The following CATSPERB variants were observed in gnomAD, a reference collection of about 807,000 sequenced individuals.
CATSPERB encodes cation channel sperm-associated auxiliary subunit beta.
In CATSPERB, 93 loss-of-function variants were observed where a neutral mutation model predicts 128.3. That is an observed-to-expected ratio of 0.72 (90% CI 0.61 to 0.86). CATSPERB has a LOEUF of 0.86. Among genes scored for constraint, CATSPERB ranks in the 40% least tolerant of loss-of-function variants. The pLI, the probability that CATSPERB is intolerant of heterozygous loss-of-function variation, is 0.00. For missense variants in CATSPERB, 1,153 were observed against 1,329.5 expected (o/e 0.87, Z 2.06); for synonymous variants, 381 against 448.8 (o/e 0.85, Z 1.91).
chr14:91,623,569 C>T lies in CATSPERB; in HGVS notation c.1930+1251G>A, dbSNP rs968828994. On this transcript the variant is annotated intron_variant, in intron 18 of 26. Coordinates refer to ENST00000256343, the MANE Select transcript of CATSPERB (RefSeq NM_024764.4). The stretch of plus-strand genomic sequence containing the variant: ...AACTCCAGACTTGTATTTCTAAGTG[C>T]CCATCTTATTTCTCCACTTGGATGA... 3.3e-5 allele frequency among the ~76,000 whole-genome samples: 5 copies of T among 152,188 alleles called. No homozygotes were observed. The South Asian group carries it at 6.2e-4, about 19-fold the overall frequency.
In CATSPERB at chr14:91,729,839, A is replaced by G. The variant is rs114357436; in HGVS notation, c.1-360T>C. On this transcript the variant is annotated intron_variant, in intron 1 of 26. Coordinates refer to ENST00000256343, the MANE Select transcript of CATSPERB (RefSeq NM_024764.4). ...CTGTAACTTAATCTAATATTTTGACAACGTTGCTTTTGGGGAAGACAATTC... is the reference window on the plus strand; with the variant it reads ...CTGTAACTTAATCTAATATTTTGACGACGTTGCTTTTGGGGAAGACAATTC... 5.2e-3 allele frequency among the ~76,000 whole-genome samples: 790 copies of G among 152,268 alleles called. 7 individuals are homozygous for G. The highest frequency in any genetic ancestry group is 0.018 in the African/African-American group (738 of 41,536).
chr14:91,723,220 T>C (rs750069603), intron 3 of CATSPERB, 31 bp from the exon 4 acceptor site: 1 of 1,413,702 alleles, frequency 7.1e-7, no homozygotes, highest in Non-Finnish European at 9.3e-7. Context: ...AAAAAACAAC[T>C]AATAACCACT....
intron 19 of CATSPERB, among the ~76,000 whole-genome samples, chr14:91,618,309 G>C (rs573561848): frequency 6.6e-4 from 100 of 152,190 alleles, no homozygotes; most frequent in African/African-American, 2.3e-3. Context: ...CCTGTATCTT[G>C]TGCTAACCTC....
At chr14:91,690,024 G>C (rs1480937664) in intron 10 of CATSPERB, among the ~76,000 whole-genome samples, 3 of 152,066 alleles carry the variant, frequency 2.0e-5, no homozygotes, top group East Asian at 3.8e-4. Flanking sequence ...ACAGAGTCTA[G>C]CTCGGTCACC....
chr14:91,609,966 C>T (rs1893793971), intron 21 of CATSPERB, among the ~76,000 whole-genome samples: 1 of 152,156 alleles, frequency 6.6e-6, no homozygotes, highest in South Asian at 2.1e-4. Flanking sequence ...AGTGATCTGC[C>T]CGCCTTGACC....
chr14:91,625,137 AC>A, intron 17 of CATSPERB, 130 bp from the exon 18 acceptor site: 1 of 595,770 alleles, frequency 1.7e-6, no homozygotes, highest in South Asian at 2.6e-5. Flanking sequence ...CATTTGTTCA[AC>A]CCCATTAGTA....
chr14:91,634,259 A>G (rs1054643463), intron 17 of CATSPERB, among the ~76,000 whole-genome samples: 2 of 152,160 alleles, frequency 1.3e-5, no homozygotes, highest in Non-Finnish European at 2.9e-5. Context: ...TCTTAAGTGG[A>G]ATGGATCATC....
chr14:91,671,801 G>A (rs1895093913), intron 13 of CATSPERB, among the ~76,000 whole-genome samples: 1 of 151,968 alleles, frequency 6.6e-6, no homozygotes. Flanking sequence ...GGAGGCCGAG[G>A]CGGGCAGATC....
chr14:91,615,885 C>CTTTT lies in CATSPERB; in HGVS notation c.2400+1708_2400+1711dup, dbSNP rs57018442. Among the ~76,000 whole-genome samples, 23 of 142,100 alleles carry CTTTT rather than the reference C, an allele frequency of 1.6e-4. 4 individuals carry two copies. Among genetic ancestry groups the CTTTT allele is most frequent in the Admixed American group, 2.2e-4 (3 of 13,940 alleles). The allele number at this position is 142,100 out of a possible 152,430, so 93.2% of individuals were successfully genotyped here. ...TTTGAGGATCATACATACAGTTTTC[C>CTTTT]TTTTTTTTTTGAGATGGAATCTCTC... On this transcript the variant is annotated intron_variant, in intron 20 of 26. Coordinates refer to ENST00000256343, the MANE Select transcript of CATSPERB (RefSeq NM_024764.4).
At chr14:91,652,944 A>G (rs934772608) in intron 15 of CATSPERB, among the ~76,000 whole-genome samples, 1 of 152,236 alleles carries the variant, frequency 6.6e-6, no homozygotes, top group South Asian at 2.1e-4. Context: ...TAGAGAATAA[A>G]TAAACTGAGT....
At chr14:91,621,127 C>T (rs991583114) in intron 19 of CATSPERB, among the ~76,000 whole-genome samples, 4 of 152,162 alleles carry the variant, frequency 2.6e-5, no homozygotes, top group African/African-American at 7.2e-5. Context: ...TATGGCTGAG[C>T]GAGGTGGCTC....
chr14:91,598,774 C>G (rs527290170), intron 22 of CATSPERB, among the ~76,000 whole-genome samples: 2 of 143,038 alleles, frequency 1.4e-5, no homozygotes, highest in South Asian at 2.3e-4. Context: ...AGGGGAATGG[C>G]GTGAACCTGG....
intron 20 of CATSPERB, among the ~76,000 whole-genome samples, chr14:91,617,315 A>G (rs1019263538): frequency 6.6e-6 from 1 of 152,218 alleles, no homozygotes; most frequent in Non-Finnish European, 1.5e-5. Flanking sequence ...GTAAAAAAAT[A>G]TGATTCTGAA....
chr14:91,701,935 T>C (rs1049620368), intron 7 of CATSPERB, among the ~76,000 whole-genome samples: 2 of 151,866 alleles, frequency 1.3e-5, no homozygotes, highest in African/African-American at 4.8e-5. Context: ...AAATTGCTGA[T>C]TTAGGCAGTT....
At chr14:91,699,415 T>C (rs1566734907) in intron 7 of CATSPERB, among the ~76,000 whole-genome samples, 1 of 152,064 alleles carries the variant, frequency 6.6e-6, no homozygotes, top group Non-Finnish European at 1.5e-5. Context: ...ACATCATTTT[T>C]CACAGAATTA....
At chr14:91,600,210 A>G (rs2402043) in intron 22 of CATSPERB, among the ~76,000 whole-genome samples, 4,527 of 152,254 alleles carry the variant, frequency 0.03, 210 homozygotes, top group African/African-American at 0.1. Flanking sequence ...TAACAGCTGC[A>G]CCATTTTGCA....
intron 15 of CATSPERB, among the ~76,000 whole-genome samples, chr14:91,641,222 CAGA>C (rs1483942900): frequency 1.1e-4 from 16 of 150,494 alleles, no homozygotes; most frequent in Non-Finnish European, 1.9e-4. Flanking sequence ...TTTTGCTGTG[CAGA>C]AGCTCTTTAG....
chr14:91,663,235 CA>C (rs1296995085), intron 14 of CATSPERB, among the ~76,000 whole-genome samples: 8 of 152,176 alleles, frequency 5.3e-5, no homozygotes, highest in Non-Finnish European at 1.0e-4. Context: ...GGCTGACTTA[CA>C]GGTGAGATTT....
chr14:91,672,022 A>AAACAACAACAACAACAAC lies in CATSPERB; in HGVS notation c.1128+827_1128+844dup, dbSNP rs35442642. Among the ~76,000 whole-genome samples, 322 of 150,138 alleles carry AAACAACAACAACAACAAC rather than the reference A, an allele frequency of 2.1e-3. 1 individual carries two copies. The highest frequency in any genetic ancestry group is 7.6e-3 in the African/African-American group (310 of 40,864). On this transcript the variant is annotated intron_variant, in intron 13 of 26. Transcript: ENST00000256343. Reference sequence around the variant, plus strand: ...GCAACAGAGGGAGACTCTGTCTCAAAAACAACAACAACAACAACAACAACA... The same window carrying AAACAACAACAACAACAAC: ...GCAACAGAGGGAGACTCTGTCTCAAAAACAACAACAACAACAACAACAACAACAACAACAACAACAACA...
Sources: allele counts gnomAD v4.1 joint callset (sites outside exome capture counted in the v4.1 genomes callset), GRCh38; gene constraint gnomAD v4.1.1; transcripts MANE v1.5; gene names NCBI Gene and HGNC (gene_info 2026-07-23, HGNC 2026-07-21).